SLC16A2: variants seen among roughly 807,000 people sequenced by gnomAD.
The protein encoded by SLC16A2 is monocarboxylate transporter 8.
A neutral mutation model predicts 27.2 loss-of-function variants in SLC16A2; 3 were observed. The ratio of observed to expected loss-of-function variants is 0.11; its 90% CI spans 0.05 to 0.28. The LOEUF is 0.28. SLC16A2 is among the 10% of genes least tolerant of loss of function. SLC16A2 has a pLI of 1.00. For synonymous variants in SLC16A2, 202 were observed against 187.8 expected, an observed-to-expected ratio of 1.08 and a Z score of -0.62; for missense variants, 295 against 458.5, an observed-to-expected ratio of 0.64 and a Z score of 3.26.
At position 74,529,372 on chromosome X, in the gene SLC16A2, G is replaced by T; in HGVS notation, c.1330G>T (p.Ala444Ser). Residue 444 changes from alanine to serine, a missense_variant, in exon 5 of 6, where the codon GCC becomes TCC. This residue lies in a region of SLC16A2 where 144 missense variants were observed against 219.8 expected (regional missense o/e 0.66). Transcript: ENST00000587091. ...IAFELVGPMQ[A>S]SQAIGYLLGM... ...ATTTGAGCTGGTGGGCCCAATGCAG[G>T]CCTCACAGGCCATTGGCTACCTCCT... is the stretch of plus-strand genomic sequence containing the variant. The T allele has an allele frequency of 1.7e-6, 2 of 1,202,539 alleles. No homozygotes were observed. Among genetic ancestry groups the T allele is most frequent in the Non-Finnish European group, 2.2e-6 (2 of 890,333 alleles).
chrX:74,495,115 T>C (rs1411162958), intron 1 of SLC16A2, among the ~76,000 whole-genome samples: 1 of 112,005 alleles, frequency 8.9e-6, no homozygotes, highest in Non-Finnish European at 1.9e-5. Flanking sequence ...CCTAAATATC[T>C]GTGCCCCACA....
intron 1 of SLC16A2, among the ~76,000 whole-genome samples, chrX:74,451,657 A>G (rs1235038847): frequency 1.8e-5 from 2 of 112,988 alleles, no homozygotes; most frequent in East Asian, 5.6e-4. Context: ...AACCCTTTGG[A>G]TCCTCAGGAC....
chrX:74,438,679 C>T (rs1928669876), intron 1 of SLC16A2, among the ~76,000 whole-genome samples: 1 of 112,270 alleles, frequency 8.9e-6, no homozygotes. Context: ...GGTGAGCATA[C>T]CATACCCTTC....
At chrX:74,481,977 G>C (rs1446083438) in intron 1 of SLC16A2, among the ~76,000 whole-genome samples, 1 of 109,861 alleles carries the variant, frequency 9.1e-6, no homozygotes, top group South Asian at 3.9e-4. Context: ...ACCAATAGCA[G>C]TTTCTCCCTT....
chrX:74,482,036 C>A (rs1346950249), intron 1 of SLC16A2, among the ~76,000 whole-genome samples: 1 of 110,549 alleles, frequency 9.0e-6, no homozygotes, highest in Non-Finnish European at 1.9e-5. Flanking sequence ...CTCTCTGTAT[C>A]TCTGAATTTT....
chrX:74,531,109 T>C (rs752135249), intron 5 of SLC16A2, among the ~76,000 whole-genome samples: 1 of 112,567 alleles, frequency 8.9e-6, no homozygotes, highest in African/African-American at 3.2e-5. Flanking sequence ...ATGAAAGTCA[T>C]AAATGGAGAA....
At chrX:74,453,937 G>A (rs1405775533) in intron 1 of SLC16A2, among the ~76,000 whole-genome samples, 1 of 112,156 alleles carries the variant, frequency 8.9e-6, no homozygotes, top group Non-Finnish European at 1.9e-5. Context: ...TGCATACAAT[G>A]TGTAATGATC....
intron 1 of SLC16A2, among the ~76,000 whole-genome samples, chrX:74,468,895 T>G (rs1390281722): frequency 9.0e-6 from 1 of 111,649 alleles, no homozygotes; most frequent in Non-Finnish European, 1.9e-5. Flanking sequence ...GGCACCCTAT[T>G]GTGCTACCAA....
chrX:74,506,388 C>T (rs1234496937), intron 1 of SLC16A2, among the ~76,000 whole-genome samples: 1 of 111,515 alleles, frequency 9.0e-6, no homozygotes, highest in Non-Finnish European at 1.9e-5. Flanking sequence ...TTGCTTAATA[C>T]CTCTCCATGC....
intron 1 of SLC16A2, among the ~76,000 whole-genome samples, chrX:74,459,979 C>T (rs1467958349): frequency 9.0e-6 from 1 of 111,662 alleles, no homozygotes; most frequent in East Asian, 2.8e-4. Context: ...GGTGGTCTGA[C>T]TTCAATGCAT....
intron 1 of SLC16A2, among the ~76,000 whole-genome samples, chrX:74,474,478 G>GTT (rs140763449): frequency 2.0e-5 from 2 of 98,293 alleles, no homozygotes. Context: ...ATTCCTTAGT[G>GTT]TTTTTTTTTT....
intron 1 of SLC16A2, among the ~76,000 whole-genome samples, chrX:74,493,518 G>A (rs1012015996): frequency 5.4e-5 from 6 of 111,904 alleles, no homozygotes; most frequent in Non-Finnish European, 9.4e-5. Context: ...TCTGCTTCCC[G>A]TCCCCGAAGG....
intron 1 of SLC16A2, among the ~76,000 whole-genome samples, chrX:74,439,471 C>T (rs1228512254): frequency 1.1e-5 from 1 of 90,189 alleles, no homozygotes; most frequent in Admixed American, 1.5e-4. Context: ...CCACCAGGCC[C>T]GGCTAATTTT....
chrX:74,511,175 T>A (rs1038739516), intron 1 of SLC16A2, among the ~76,000 whole-genome samples: 8 of 111,293 alleles, frequency 7.2e-5, no homozygotes, highest in Admixed American at 3.8e-4. Context: ...TGGTTTTTTT[T>A]ATTTTATTTA....
rs1049332385 is a variant in SLC16A2 at position 74,512,049 on chromosome X, T to G, written c.431-8941T>G. ...CCTACATCCTCCTTTTAAATATGTT[T>G]CACCAATTCTTTCAGTCATCTCACT... On this transcript the variant is annotated intron_variant, in intron 1 of 5. Transcript: ENST00000587091. 4.5e-5 allele frequency among the ~76,000 whole-genome samples: 5 copies of G among 112,032 alleles called. No homozygotes were observed. In the East Asian group the frequency reaches 1.4e-3, roughly 31 times the overall value.
chrX:74,479,023 G>A (rs1250132753), intron 1 of SLC16A2, among the ~76,000 whole-genome samples: 2 of 111,435 alleles, frequency 1.8e-5, no homozygotes, highest in African/African-American at 6.5e-5. Context: ...GAATGTGAAT[G>A]TTGGCCTGCC....
At chrX:74,479,598 TC>T (rs1369596158) in intron 1 of SLC16A2, among the ~76,000 whole-genome samples, 1 of 112,111 alleles carries the variant, frequency 8.9e-6, no homozygotes, top group Non-Finnish European at 1.9e-5. Context: ...CTCTGTTTTT[TC>T]CCCATGTTTG....
At chrX:74,485,236 T>C (rs1428296668) in intron 1 of SLC16A2, among the ~76,000 whole-genome samples, 4 of 105,878 alleles carry the variant, frequency 3.8e-5, no homozygotes, top group Non-Finnish European at 7.8e-5. Context: ...AAAAAAAAAT[T>C]AAGGAAAAAG....
intron 1 of SLC16A2, among the ~76,000 whole-genome samples, chrX:74,423,307 G>A (rs760180580): frequency 8.9e-6 from 1 of 111,932 alleles, no homozygotes; most frequent in Non-Finnish European, 1.9e-5. Flanking sequence ...TCGGACTGAG[G>A]AGTTCCATCC....
Sources: gnomAD v4.1 joint callset for allele counts (sites outside exome capture counted in the v4.1 genomes callset) on GRCh38, gnomAD v4.1.1 for gene constraint, gnomAD v4.1.1 regional missense constraint, MANE v1.5 for transcripts, NCBI Gene and HGNC (gene_info 2026-07-23, HGNC 2026-07-21) for gene names.